Variants in ANO5 observed in about 807,000 individuals in gnomAD.
ANO5 encodes the protein anoctamin-5.
ANO5 carries 109 observed loss-of-function variants against 121.0 expected under a neutral mutation model. That is an observed-to-expected ratio of 0.90 (90% CI 0.77 to 1.06). ANO5 has a LOEUF of 1.06. Among genes scored for constraint, ANO5 ranks in the 50% least tolerant of loss-of-function variants. The probability of loss-of-function intolerance (pLI) is 0.00; values close to 1 mark genes in which losing one functional copy is unlikely to be tolerated. For synonymous variants in ANO5, 406 were observed against 359.9 expected (o/e 1.13, Z -1.45); for missense variants, 1,064 against 1,078.5 (o/e 0.99, Z 0.19).
intron 5 of ANO5, 93 bp downstream of exon 5, chr11:22,221,303 AGAGGCCCT>A: frequency 9.0e-7 from 1 of 1,114,200 alleles, no homozygotes. Flanking sequence ...TGTAAAAGTG[AGAGGCCCT>A]GAAGTGTTAC....
intron 3 of ANO5, among the ~76,000 whole-genome samples, chr11:22,213,374 T>C (rs1473643530): frequency 1.3e-5 from 2 of 151,944 alleles, no homozygotes; most frequent in Non-Finnish European, 1.5e-5. Context: ...GATTTTTATA[T>C]CCTTCACAGC....
chr11:22,270,481 T>G lies in ANO5; in HGVS notation c.2029+39T>G, dbSNP rs374835860. 9.9e-6 allele frequency: 16 copies of G among 1,612,442 alleles called. No homozygotes were observed. In the Admixed American group the frequency reaches 2.7e-4, roughly 27 times the overall value. On this transcript the variant is annotated intron_variant, in intron 18 of 21. Transcript: ENST00000324559. ...ACTGTTTTGAAACATAGAGTTGGCA[T>G]GAATGAGTGGTTTTTCAGCTCCAGA...
rs1309176673 is a variant in ANO5, at chr11:22,281,441, TATGA to T, written c.*1679_*1682del. ...GATTTGTCATCCACTGAGTAGACTTTATGAATATTTTGGGTAATTTGAAATGATC... is the reference window on the plus strand; with the variant it reads ...GATTTGTCATCCACTGAGTAGACTTTATATTTTGGGTAATTTGAAATGATC... On this transcript the variant is annotated 3_prime_UTR_variant, in exon 22 of 22. Transcript: ENST00000324559. 6.6e-6 allele frequency: 1 copy of T among 152,086 alleles called. No homozygotes were observed. The highest frequency in any genetic ancestry group is 2.4e-5 in the African/African-American group (1 of 41,462). 9.4% of individuals were successfully genotyped at this position (152,086 alleles called of 1,614,324 possible). A position where few individuals can be genotyped will look rare whatever the true frequency, so the allele number is the denominator to read the frequency against.
upstream of ANO5, chr11:22,192,881 G>T: frequency 1.4e-6 from 1 of 720,818 alleles, no homozygotes; most frequent in Non-Finnish European, 1.7e-6. Context: ...TCCGGAGGAG[G>T]TGCGGGAGGC....
chr11:22,223,396 T>C (rs1852721421), intron 5 of ANO5, among the ~76,000 whole-genome samples: 2 of 152,146 alleles, frequency 1.3e-5, no homozygotes, highest in East Asian at 3.9e-4. Context: ...TGAAAACACA[T>C]GTGAAATATC....
upstream of ANO5, chr11:22,192,977 G>A: frequency 1.0e-6 from 1 of 985,244 alleles, no homozygotes; most frequent in Non-Finnish European, 1.2e-6. Context: ...GGAGATGGCG[G>A]TCTCCGAGGG....
Position 22,251,106 on chromosome 11 carries a change from C to A in ANO5, c.1180+95C>A, listed in dbSNP as rs1853801343. On this transcript the variant is annotated intron_variant, in intron 12 of 21. Transcript: ENST00000324559. Reference sequence around the variant, plus strand: ...ATGACAGATGAAATATCTTACATACCAAATGTGGTTTTAGATCATTGTGTC... The same window carrying A: ...ATGACAGATGAAATATCTTACATACAAAATGTGGTTTTAGATCATTGTGTC... The A allele has an allele frequency of 4.0e-5, 50 of 1,252,700 alleles. No individual in the cohort carries two copies. The South Asian group carries it at 6.3e-4, about 16-fold the overall frequency. The allele number at this position is 1,252,700 out of a possible 1,614,324, so 77.6% of individuals were successfully genotyped here. A position where few individuals can be genotyped will look rare whatever the true frequency, so the allele number is the denominator to read the frequency against.
intron 5 of ANO5, among the ~76,000 whole-genome samples, chr11:22,224,215 TTCTG>T (rs1403008233): frequency 1.3e-5 from 2 of 152,054 alleles, no homozygotes; most frequent in African/African-American, 4.8e-5. Context: ...TATTTGATGA[TTCTG>T]TCTTACAGTT....
chr11:22,264,937 C>T (rs114282451), intron 17 of ANO5, among the ~76,000 whole-genome samples: 4,322 of 152,104 alleles, frequency 0.028, 194 homozygotes, highest in African/African-American at 0.098. Context: ...AAATATATGA[C>T]ATTTAATAAA....
chr11:22,257,068 C>T (rs1461611370), intron 13 of ANO5, among the ~76,000 whole-genome samples: 1 of 50,816 alleles, frequency 2.0e-5, no homozygotes, highest in African/African-American at 1.8e-4. Context: ...TTTCTGCTGA[C>T]AGCGTTTTTT....
chr11:22,255,957 A>C (rs2133724207), intron 13 of ANO5, among the ~76,000 whole-genome samples: 1 of 152,320 alleles, frequency 6.6e-6, no homozygotes, highest in African/African-American at 2.4e-5. Flanking sequence ...AATGATGCTA[A>C]GTGATATATA....
chr11:22,224,856 A>G (rs1270113516), intron 5 of ANO5, among the ~76,000 whole-genome samples: 1 of 152,114 alleles, frequency 6.6e-6, no homozygotes, highest in African/African-American at 2.4e-5. Flanking sequence ...ATTTGCAGCC[A>G]TCGATGGAAC....
chr11:22,230,201 G>T (rs1461420963), intron 7 of ANO5, among the ~76,000 whole-genome samples: 2 of 151,824 alleles, frequency 1.3e-5, no homozygotes, highest in Admixed American at 1.3e-4. Flanking sequence ...CGGTGAAAAA[G>T]CTTACACTAT....
chr11:22,202,275 C>A (rs1438136401), intron 1 of ANO5, among the ~76,000 whole-genome samples: 1 of 152,034 alleles, frequency 6.6e-6, no homozygotes, highest in Non-Finnish European at 1.5e-5. Context: ...TATTCCTCTG[C>A]AGAAAACTTT....
intron 17 of ANO5, among the ~76,000 whole-genome samples, 170 bp from the exon 18 acceptor site, chr11:22,270,142 A>G (rs1431594851): frequency 2.0e-5 from 3 of 152,192 alleles, no homozygotes; most frequent in Non-Finnish European, 4.4e-5. Context: ...GTGTCATGAA[A>G]AGAACACCAG....
At chr11:22,278,159 A>G (rs1854936141) in intron 21 of ANO5, 1 of 151,642 alleles carries the variant, frequency 6.6e-6, no homozygotes, top group South Asian at 2.1e-4. Flanking sequence ...TTTGTGTATT[A>G]TCTATTTTTA....
rs766306773 is a variant in ANO5 at position 22,273,027 on chromosome 11, C to T, written c.2235+38C>T. ...ATTTCGGTGGGGTGACTTTGTATTT[C>T]ATTTTGGGGGGTGTGGGGAGATGTG... On this transcript the variant is annotated intron_variant, in intron 19 of 21. Coordinates refer to ENST00000324559, the MANE Select transcript of ANO5 (RefSeq NM_213599.3). 3.8e-6 allele frequency: 6 copies of T among 1,571,648 alleles called. No individual in the cohort carries two copies. In the East Asian group the frequency reaches 1.3e-4, roughly 35 times the overall value.
chr11:22,228,654 T>C (rs968652406), intron 7 of ANO5, among the ~76,000 whole-genome samples: 2 of 151,928 alleles, frequency 1.3e-5, no homozygotes, highest in African/African-American at 4.8e-5. Context: ...CCCCTACCTC[T>C]TCCCATTCTC....
At chr11:22,266,296 TAG>T (rs1854364105) in intron 17 of ANO5, among the ~76,000 whole-genome samples, 1 of 152,162 alleles carries the variant, frequency 6.6e-6, no homozygotes, top group African/African-American at 2.4e-5. Flanking sequence ...TGACTCCAGT[TAG>T]AGTATGCTCG....
Sources: allele counts gnomAD v4.1 joint callset (sites outside exome capture counted in the v4.1 genomes callset), GRCh38; gene constraint gnomAD v4.1.1; transcripts MANE v1.5; gene names NCBI Gene and HGNC (gene_info 2026-07-23, HGNC 2026-07-21).